The following FAT1 variants were observed in gnomAD, a reference collection of about 807,000 sequenced individuals.
FAT1 encodes the protein FAT atypical cadherin 1.
Under a neutral mutation model 329.8 loss-of-function variants are expected in FAT1, and 171 were observed. The observed-to-expected ratio is 0.52, with a 90% CI of 0.46 to 0.59. The LOEUF is 0.59. Ranked by LOEUF, FAT1 falls within the 20% of genes least tolerant of loss-of-function variation. The pLI is 0.00. For synonymous variants in FAT1, 2,233 were observed against 2,228.6 expected, an observed-to-expected ratio of 1.00 and a Z score of -0.06; for missense variants, 5,672 against 5,774.4, an observed-to-expected ratio of 0.98 and a Z score of 0.57.
rs114396455 is a variant in FAT1, at chr4:186,618,996, A to G, written c.7590T>C (p.His2530=). The G allele has an allele frequency of 2.6e-3, 4,187 of 1,614,016 alleles. 63 individuals are homozygous for G. The East Asian group carries it at 0.042, about 16-fold the overall frequency. The change falls in exon 10 of 27, where the codon CAT becomes CAC. Residue 2530 remains histidine, a synonymous_variant. Coordinates refer to ENST00000441802, the MANE Select transcript of FAT1 (RefSeq NM_005245.4). The stretch of plus-strand genomic sequence containing the variant: ...TGTCTTTGGCAAAGTCATTTACAAT[A>G]TGGTAAGTAACGTGACCATAAATAC... ...DSGIYGHVTY[H]IVNDFAKDRF...
chr4:186,606,959 A>T (rs1016707047), intron 16 of FAT1, among the ~76,000 whole-genome samples: 2 of 152,242 alleles, frequency 1.3e-5, no homozygotes, highest in Non-Finnish European at 2.9e-5. Flanking sequence ...ACCACAGGCT[A>T]GCTCCTTTGG....
chr4:186,669,905 C>T (rs1275539504), intron 2 of FAT1, among the ~76,000 whole-genome samples: 4 of 152,170 alleles, frequency 2.6e-5, no homozygotes, highest in African/African-American at 9.7e-5. Context: ...TCCTACTCCC[C>T]GCCACTGCTG....
rs368159187 is a variant in FAT1, at chr4:186,685,531, C to T, written c.3265+21032G>A. Among the ~76,000 whole-genome samples the T allele has an allele frequency of 7.2e-5, 11 of 152,308 alleles. No individual in the cohort carries two copies. The East Asian group carries it at 1.2e-3, about 16-fold the overall frequency. ...GATTATATTCCTTAGGTAAGGATTA[C>T]GCAGTCAGTATTTTTTGACTCTGGT... On this transcript the variant is annotated intron_variant, in intron 2 of 26. Transcript: ENST00000441802.
At chr4:186,650,797 CAT>C (rs1316105230) in intron 3 of FAT1, among the ~76,000 whole-genome samples, 3 of 152,132 alleles carry the variant, frequency 2.0e-5, no homozygotes, top group Non-Finnish European at 4.4e-5. Flanking sequence ...CTTTACAGGA[CAT>C]GTGTTACAAA....
chr4:186,636,027 G>GTCA lies in FAT1; in HGVS notation c.4180_4181insTGA (p.Ile1393_Thr1394insMet), dbSNP rs1319690189. The GTCA allele has an allele frequency of 2.5e-6, 4 of 1,613,678 alleles. No individual in the cohort carries two copies. On this transcript the variant is annotated inframe_insertion, in exon 6 of 27. Coordinates refer to ENST00000441802, the MANE Select transcript of FAT1 (RefSeq NM_005245.4). ...CGAAAATGAGGGGGAATGCTTACCAGTGATGTCAAACCAAAGGGGTATGCC... is the reference window on the plus strand; with the variant it reads ...CGAAAATGAGGGGGAATGCTTACCAGTCATGATGTCAAACCAAAGGGGTATGCC...
At chr4:186,631,010 G>C (rs927763579) in intron 7 of FAT1, among the ~76,000 whole-genome samples, 10 of 152,198 alleles carry the variant, frequency 6.6e-5, no homozygotes, top group Admixed American at 5.9e-4. Flanking sequence ...AGCCAGAGAA[G>C]AGCTGTTTCC....
chr4:186,700,798 G>T (rs1474524384), intron 2 of FAT1, among the ~76,000 whole-genome samples: 1 of 152,082 alleles, frequency 6.6e-6, no homozygotes, highest in African/African-American at 2.4e-5. Flanking sequence ...GAATTAAATG[G>T]ACTGGCACAC....
intron 2 of FAT1, among the ~76,000 whole-genome samples, chr4:186,685,499 TG>T (rs1743417714): frequency 6.6e-6 from 1 of 152,204 alleles, no homozygotes; most frequent in Non-Finnish European, 1.5e-5. Context: ...GTTGCTTTAG[TG>T]TTTCTGATTA....
upstream of FAT1, among the ~76,000 whole-genome samples, chr4:186,724,976 G>A (rs2126729843): frequency 6.6e-6 from 1 of 152,264 alleles, no homozygotes; most frequent in Non-Finnish European, 1.5e-5. The surrounding 1 kb of genome is among the most constrained non-coding windows in gnomAD (Gnocchi z 5.3). Context: ...CCATCTTAGA[G>A]GTGACCGGAA....
intron 3 of FAT1, among the ~76,000 whole-genome samples, chr4:186,651,683 C>T (rs146735715): frequency 9.1e-4 from 139 of 152,268 alleles, no homozygotes; most frequent in Admixed American, 1.8e-3. Context: ...GGAGGCGTCA[C>T]GTCCTCCGCT....
At chr4:186,661,797 G>A (rs943382335) in intron 3 of FAT1, among the ~76,000 whole-genome samples, 3 of 152,138 alleles carry the variant, frequency 2.0e-5, no homozygotes, top group Non-Finnish European at 4.4e-5. Context: ...TCGGAGGCCT[G>A]GGCTTGAAGA....
At chr4:186,697,809 G>C (rs1248253737) in intron 2 of FAT1, among the ~76,000 whole-genome samples, 1 of 152,136 alleles carries the variant, frequency 6.6e-6, no homozygotes, top group Non-Finnish European at 1.5e-5. Flanking sequence ...TCCTTTATGA[G>C]AATTTGTGAG....
At position 186,617,148 on chromosome 4, in the gene FAT1, C is replaced by A. The variant is rs773024674; in HGVS notation, c.8932G>T (p.Val2978Leu). The A allele has an allele frequency of 1.1e-5, 18 of 1,613,664 alleles. No individual in the cohort carries two copies. Among genetic ancestry groups the A allele is most frequent in the Non-Finnish European group, 1.4e-5 (17 of 1,179,722 alleles). ...AVETIQNEWK[V>L]YVKKPLDREK... is the part of the protein sequence containing the mutation. ...CTGTCTAGAGGTTTCTTCACATATA[C>A]CTTCCATTCATTCTGTATAGTTTCA... is the stretch of plus-strand genomic sequence containing the variant. Residue 2978 changes from valine to leucine, a missense_variant, in exon 11 of 27, where the codon GTA (valine) becomes TTA (leucine). Transcript: ENST00000441802.
At chr4:186,671,556 G>A (rs1742728698) in intron 2 of FAT1, among the ~76,000 whole-genome samples, 2 of 151,970 alleles carry the variant, frequency 1.3e-5, no homozygotes, top group African/African-American at 4.8e-5. Context: ...AAAATGAGCT[G>A]GGCGTGGTGG....
rs1387140305 is a variant in FAT1, at chr4:186,663,318, A to G, written c.3561T>C (p.Phe1187=). Reference sequence around the variant, plus strand: ...ACATACCTGTTTTAGGATGTATTGAAAAGAATCCTTGTGGATTTCCACTTG... The same window carrying G: ...ACATACCTGTTTTAGGATGTATTGAGAAGAATCCTTGTGGATTTCCACTTG... ...KITSGNPQGF[F]SIHPKTGLIT... The change falls in exon 3 of 27, where the codon TTT becomes TTC. Residue 1187 remains phenylalanine, a synonymous_variant. Transcript: ENST00000441802. 1 of 1,613,306 alleles carries G rather than the reference A, an allele frequency of 6.2e-7. No homozygotes were observed. The highest frequency in any genetic ancestry group is 1.3e-5 in the African/African-American group (1 of 74,940).
intron 2 of FAT1, among the ~76,000 whole-genome samples, chr4:186,697,635 A>G (rs978462310): frequency 2.6e-5 from 4 of 152,226 alleles, no homozygotes; most frequent in Non-Finnish European, 4.4e-5. Context: ...AGGTTTATCT[A>G]GCTCATTTAT....
intron 2 of FAT1, among the ~76,000 whole-genome samples, chr4:186,700,636 C>A (rs1261478233): frequency 6.6e-6 from 1 of 152,144 alleles, no homozygotes; most frequent in Non-Finnish European, 1.5e-5. Context: ...CAGGCTCCCT[C>A]GCAGCATCCG....
intron 7 of FAT1, among the ~76,000 whole-genome samples, chr4:186,632,292 C>T (rs1394617400): frequency 1.3e-5 from 2 of 152,076 alleles, no homozygotes; most frequent in African/African-American, 2.4e-5. Flanking sequence ...AATGAGAATG[C>T]TTGGCAAAGA....
At chr4:186,614,633 A>G (rs969194405) in intron 11 of FAT1, among the ~76,000 whole-genome samples, 3 of 152,240 alleles carry the variant, frequency 2.0e-5, no homozygotes. Context: ...TTCATATTCA[A>G]ATCCTTATGA....
Sources: allele counts gnomAD v4.1 joint callset (sites outside exome capture counted in the v4.1 genomes callset), GRCh38; gene constraint gnomAD v4.1.1; non-coding constraint Gnocchi (gnomAD v3.1); transcripts MANE v1.5; gene names NCBI Gene and HGNC (gene_info 2026-07-23, HGNC 2026-07-21).